RAMP1: variants seen among roughly 807,000 people sequenced by gnomAD.
RAMP1 encodes the protein receptor activity modifying protein 1.
A neutral mutation model predicts 8.2 loss-of-function variants in RAMP1; 7 were observed. That is an observed-to-expected ratio of 0.85 (90% CI 0.49 to 1.60). The LOEUF (loss-of-function observed/expected upper bound fraction) is 1.60. Ranked by LOEUF, RAMP1 falls within the 40% of genes most tolerant of loss-of-function variation. RAMP1 has a pLI of 0.00. For synonymous variants in RAMP1, 92 were observed against 84.7 expected (o/e 1.09, Z -0.47); for missense variants, 192 against 202.4 (o/e 0.95, Z 0.31).
rs2062313117 is a variant in RAMP1, at chr2:237,877,052, T to C, written c.53-172T>C. On this transcript the variant is annotated intron_variant, in intron 1 of 2. Transcript: ENST00000254661. The surrounding 1 kb of genome is among the most constrained non-coding windows in gnomAD (Gnocchi z 4.4). ...GCAGGCAGGGAGGGCCTTTGCCAGGTCACAGAACAATTGATGAAGAGCGTC... is the reference window on the plus strand; with the variant it reads ...GCAGGCAGGGAGGGCCTTTGCCAGGCCACAGAACAATTGATGAAGAGCGTC... Among the ~76,000 whole-genome samples the C allele has an allele frequency of 6.6e-6, 1 of 152,144 alleles. No individual in the cohort carries two copies. Among genetic ancestry groups the C allele is most frequent in the African/African-American group, 2.4e-5 (1 of 41,438 alleles).
At chr2:237,902,352 GAGGAGGAGGGAGAGGCC>G (rs2062608967) in intron 2 of RAMP1, among the ~76,000 whole-genome samples, 1 of 150,036 alleles carries the variant, frequency 6.7e-6, no homozygotes, top group Non-Finnish European at 1.5e-5. Flanking sequence ...GAGGGGCTGG[GAGGAGGAGGGAGAGGCC>G]AGGAGGAGAG....
intron 2 of RAMP1, among the ~76,000 whole-genome samples, chr2:237,896,167 C>G (rs1237898738): frequency 6.6e-6 from 1 of 152,224 alleles, no homozygotes; most frequent in African/African-American, 2.4e-5. Context: ...CTGGGACACC[C>G]ACTGCATTTT....
chr2:237,867,528 C>T (rs543584433), intron 1 of RAMP1, among the ~76,000 whole-genome samples: 1 of 152,068 alleles, frequency 6.6e-6, no homozygotes, highest in East Asian at 1.9e-4. Context: ...ATCTTCTTCC[C>T]GTGTGTAAAG....
At chr2:237,888,646 T>G (rs1382947195) in intron 2 of RAMP1, among the ~76,000 whole-genome samples, 1 of 152,232 alleles carries the variant, frequency 6.6e-6, no homozygotes, top group Non-Finnish European at 1.5e-5. Flanking sequence ...TCATTGCCCT[T>G]TTTTCCTTTT....
At chr2:237,886,832 G>A (rs367921088) in intron 2 of RAMP1, among the ~76,000 whole-genome samples, 17 of 152,210 alleles carry the variant, frequency 1.1e-4, no homozygotes, top group African/African-American at 3.4e-4. Flanking sequence ...TCAGACATGC[G>A]GTGACGCTAA....
At chr2:237,898,258 C>T (rs1396880996) in intron 2 of RAMP1, among the ~76,000 whole-genome samples, 1 of 152,216 alleles carries the variant, frequency 6.6e-6, no homozygotes, top group Non-Finnish European at 1.5e-5. Context: ...TATTCATTTG[C>T]ATGCAGTGAT....
chr2:237,877,428 A>G lies in RAMP1; in HGVS notation c.191+66A>G. 10 of 1,560,302 alleles carry G rather than the reference A, an allele frequency of 6.4e-6. No individual in the cohort carries two copies. The highest frequency in any genetic ancestry group is 8.7e-6 in the Non-Finnish European group (10 of 1,152,962). The stretch of plus-strand genomic sequence containing the variant: ...AGGGAGAGGGGGCAAGCGGAGGAGG[A>G]GTGGACCACGTGGGAGCTGTGGAAG... On this transcript the variant is annotated intron_variant, in intron 2 of 2. Coordinates refer to ENST00000254661, the MANE Select transcript of RAMP1 (RefSeq NM_005855.4). This position sits in a 1 kb window ranked among gnomAD's most constrained non-coding sequence, Gnocchi z 4.4.
At chr2:237,895,071 A>C (rs971756302) in intron 2 of RAMP1, among the ~76,000 whole-genome samples, 4 of 151,598 alleles carry the variant, frequency 2.6e-5, no homozygotes, top group African/African-American at 4.9e-5. Flanking sequence ...GCAGGGCAGG[A>C]CCTCCCCCTC....
rs1432617483 is a variant in RAMP1, at chr2:237,877,999, G to C, written c.191+637G>C. The C allele has an allele frequency of 1.0e-6, 1 of 985,344 alleles. No individual in the cohort carries two copies. The highest frequency in any genetic ancestry group is 1.7e-5 in the African/African-American group (1 of 57,244). 61.0% of individuals were successfully genotyped at this position (985,344 alleles called of 1,614,324 possible). A position where few individuals can be genotyped will look rare whatever the true frequency, so the allele number is the denominator to read the frequency against. ...GGGGGGTTCTCCCCAGCAGGCCCAG[G>C]CTCCTCTGCCTCCAGAGCGGCGATC... On this transcript the variant is annotated intron_variant, in intron 2 of 2. Coordinates refer to ENST00000254661, the MANE Select transcript of RAMP1 (RefSeq NM_005855.4). The surrounding 1 kb of genome is among the most constrained non-coding windows in gnomAD (Gnocchi z 4.4).
Position 237,868,590 on chromosome 2 carries a change from CAAA to C in RAMP1, c.53-8623_53-8621del, listed in dbSNP as rs371059895. Among the ~76,000 whole-genome samples, 866 of 135,654 alleles carry C rather than the reference CAAA, an allele frequency of 6.4e-3. 14 individuals are homozygous for C. In the East Asian group the frequency reaches 0.068, roughly 11 times the overall value. The allele number at this position is 135,654 out of a possible 152,430, so 89.0% of individuals were successfully genotyped here. ...CCCTCCCCCCACCAAAAAAAAAAAA[CAAA>C]AAAAAAAAAACAGTTCCTGAGTTTA... On this transcript the variant is annotated intron_variant, in intron 1 of 2. Coordinates refer to ENST00000254661, the MANE Select transcript of RAMP1 (RefSeq NM_005855.4).
At chr2:237,871,301 A>C (rs993103761) in intron 1 of RAMP1, among the ~76,000 whole-genome samples, 2 of 152,194 alleles carry the variant, frequency 1.3e-5, no homozygotes, top group Non-Finnish European at 2.9e-5. Context: ...AGGAGCTCAG[A>C]CAGCTGAGTG....
rs976164850 is a variant in RAMP1, at chr2:237,905,248, A to C, written c.192-6280A>C. On this transcript the variant is annotated intron_variant, in intron 2 of 2. Coordinates refer to ENST00000254661, the MANE Select transcript of RAMP1 (RefSeq NM_005855.4). ...GTTCTGTGTTCTTTTGGGCAGAAGA[A>C]TGTCTGTACTCTGAGGGGAATTCTT... is the stretch of plus-strand genomic sequence containing the variant. Among the ~76,000 whole-genome samples the C allele has an allele frequency of 3.9e-5, 6 of 152,224 alleles. 1 individual carries two copies. In the East Asian group the frequency reaches 5.8e-4, roughly 15 times the overall value.
intron 2 of RAMP1, among the ~76,000 whole-genome samples, chr2:237,910,611 A>T (rs1216017139): frequency 6.7e-6 from 1 of 148,646 alleles, no homozygotes; most frequent in Non-Finnish European, 1.5e-5. Flanking sequence ...TCACACAGTC[A>T]CACACAGAAT....
chr2:237,884,632 T>A (rs1346562095), intron 2 of RAMP1, among the ~76,000 whole-genome samples: 1 of 152,124 alleles, frequency 6.6e-6, no homozygotes, highest in Non-Finnish European at 1.5e-5. Flanking sequence ...GGGAAAGGTG[T>A]CCTCGGGGAA....
intron 2 of RAMP1, among the ~76,000 whole-genome samples, chr2:237,908,683 G>A (rs568927152): frequency 1.6e-4 from 25 of 152,208 alleles, no homozygotes; most frequent in Non-Finnish European, 2.2e-4. Flanking sequence ...TGATCCACCC[G>A]CCTCAGCCTC....
At chr2:237,902,652 G>T (rs941397721) in intron 2 of RAMP1, among the ~76,000 whole-genome samples, 1 of 152,038 alleles carries the variant, frequency 6.6e-6, no homozygotes, top group African/African-American at 2.4e-5. Flanking sequence ...CTCCCTGTCT[G>T]CCCTGCACGC....
intron 2 of RAMP1, among the ~76,000 whole-genome samples, chr2:237,898,196 A>C (rs1245752499): frequency 6.6e-6 from 1 of 152,224 alleles, no homozygotes; most frequent in Non-Finnish European, 1.5e-5. Flanking sequence ...CTGTTAATAC[A>C]ACTTAAATAG....
chr2:237,883,129 C>T (rs2062388833), intron 2 of RAMP1, among the ~76,000 whole-genome samples: 1 of 152,132 alleles, frequency 6.6e-6, no homozygotes, highest in Admixed American at 6.6e-5. Context: ...GCATGGAGGC[C>T]AGGGGATTCT....
At chr2:237,859,884 T>G in intron 1 of RAMP1, 157 bp downstream of exon 1, 1 of 704,180 alleles carries the variant, frequency 1.4e-6, no homozygotes. Context: ...GCCGCCCCGG[T>G]TCCAGGCGGG....
Sources: gnomAD v4.1 joint callset for allele counts (sites outside exome capture counted in the v4.1 genomes callset) on GRCh38, gnomAD v4.1.1 for gene constraint, Gnocchi (gnomAD v3.1) non-coding constraint, MANE v1.5 for transcripts, NCBI Gene and HGNC (gene_info 2026-07-23, HGNC 2026-07-21) for gene names.